The following CPAP variants were observed in gnomAD, a reference collection of about 807,000 sequenced individuals.
CPAP encodes centrosomal P4.1-associated protein.
At chr13:24,907,089 A>G in the CPAP span, 5 of 1,612,442 alleles carry the variant, frequency 3.1e-6, no homozygotes, top group Non-Finnish European at 3.4e-6. Flanking sequence ...ACAATTGCTG[A>G]CCTTCAGCTG....
the CPAP span, among the ~76,000 whole-genome samples, chr13:24,908,884 T>C: frequency 1.3e-5 from 2 of 152,352 alleles, no homozygotes; most frequent in South Asian, 2.1e-4. Flanking sequence ...TACAGATGAA[T>C]GTCCTAATTT....
chr13:24,920,859 T>G, the CPAP span, among the ~76,000 whole-genome samples: 2 of 151,114 alleles, frequency 1.3e-5, no homozygotes, highest in African/African-American at 2.4e-5. Flanking sequence ...ACTCCTGACC[T>G]CAAGTGATCC....
chr13:24,884,370 T>A, the CPAP span: 1 of 1,614,160 alleles, frequency 6.2e-7, no homozygotes, highest in Non-Finnish European at 8.5e-7. Flanking sequence ...TTAAAGAAAG[T>A]GACAGTGATG....
the CPAP span, among the ~76,000 whole-genome samples, chr13:24,897,635 A>G: frequency 6.6e-6 from 1 of 152,194 alleles, no homozygotes; most frequent in Non-Finnish European, 1.5e-5. Context: ...AAGAACAAAG[A>G]TGTTCTGTTA....
chr13:24,884,541 C>CTT, the CPAP span: 4 of 1,437,058 alleles, frequency 2.8e-6, no homozygotes, highest in Non-Finnish European at 3.9e-6. Context: ...CAACTGCCTA[C>CTT]TTTGAAATTT....
the CPAP span, chr13:24,885,582 G>A: frequency 5.4e-6 from 8 of 1,491,432 alleles, no homozygotes; most frequent in African/African-American, 1.4e-5. Flanking sequence ...TATGTTTGAA[G>A]AATATATAAA....
the CPAP span, among the ~76,000 whole-genome samples, chr13:24,895,558 A>G: frequency 2.3e-4 from 35 of 152,086 alleles, no homozygotes; most frequent in Non-Finnish European, 4.3e-4. Context: ...CTCCGTCAAG[A>G]AAGAAAAGAA....
chr13:24,896,034 GGTTT>G, the CPAP span, among the ~76,000 whole-genome samples: 77 of 152,212 alleles, frequency 5.1e-4, no homozygotes, highest in Non-Finnish European at 7.6e-4. Flanking sequence ...AATAAACATA[GGTTT>G]GTTTTCTATT....
the CPAP span, among the ~76,000 whole-genome samples, chr13:24,889,836 C>G: frequency 6.6e-6 from 1 of 151,906 alleles, no homozygotes; most frequent in Non-Finnish European, 1.5e-5. Context: ...GGTGAGTCCT[C>G]TCTGCACCCC....
chr13:24,922,150 T>G, the CPAP span, among the ~76,000 whole-genome samples: 2 of 152,164 alleles, frequency 1.3e-5, no homozygotes, highest in Non-Finnish European at 2.9e-5. Flanking sequence ...TGTAACAAAC[T>G]GACAGCCTTG....
At chr13:24,883,080 CCA>C in the CPAP span, 7 of 1,096,758 alleles carry the variant, frequency 6.4e-6, no homozygotes, top group Non-Finnish European at 9.8e-6. Flanking sequence ...AATCTTTTCC[CCA>C]CACATACACA....
the CPAP span, among the ~76,000 whole-genome samples, chr13:24,916,649 TACA>T: frequency 6.6e-6 from 1 of 152,224 alleles, no homozygotes; most frequent in Non-Finnish European, 1.5e-5. Context: ...AATAAACTGG[TACA>T]ACATTTTGAA....
chr13:24,892,534 C>G, the CPAP span: 5 of 848,188 alleles, frequency 5.9e-6, no homozygotes, highest in Non-Finnish European at 1.0e-5. Flanking sequence ...TCCCCACTGC[C>G]CCCCCAGCCC....
the CPAP span, among the ~76,000 whole-genome samples, chr13:24,919,842 C>T: frequency 6.6e-6 from 1 of 152,244 alleles, no homozygotes; most frequent in African/African-American, 2.4e-5. Context: ...CGGCTCACGG[C>T]AGCTTCAACC....
chr13:24,922,573 C>T, the CPAP span, among the ~76,000 whole-genome samples: 1 of 152,262 alleles, frequency 6.6e-6, no homozygotes, highest in Non-Finnish European at 1.5e-5. Context: ...CGCGAATGAA[C>T]GAAGCCACTG....
the CPAP span, among the ~76,000 whole-genome samples, chr13:24,908,932 CA>C: frequency 6.6e-6 from 1 of 152,108 alleles, no homozygotes; most frequent in Non-Finnish European, 1.5e-5. Flanking sequence ...AATGAAGTAA[CA>C]AGATACCTGC....
chr13:24,885,635 G>C, the CPAP span: 1 of 1,612,818 alleles, frequency 6.2e-7, no homozygotes, highest in South Asian at 1.1e-5. Context: ...CCTAAATCAC[G>C]AGGAGGTGCA....
chr13:24,933,199 C>A, the CPAP span: 3 of 1,248,304 alleles, frequency 2.4e-6, no homozygotes, highest in South Asian at 2.4e-5. Context: ...ACAACAGGGT[C>A]ATGGTTAGAA....
the CPAP span, among the ~76,000 whole-genome samples, chr13:24,896,684 T>G: frequency 6.6e-6 from 1 of 152,132 alleles, no homozygotes; most frequent in African/African-American, 2.4e-5. Flanking sequence ...GAAGAAGTAG[T>G]CAGGATCAGA....
Sources: allele counts gnomAD v4.1 joint callset (sites outside exome capture counted in the v4.1 genomes callset), GRCh38; gene constraint gnomAD v4.1.1; transcripts MANE v1.5; gene names NCBI Gene and HGNC (gene_info 2026-07-23, HGNC 2026-07-21).